The following DYM variants were observed in gnomAD, a reference collection of about 807,000 sequenced individuals.
DYM encodes the protein dyggve-Melchior-Clausen syndrome protein.
DYM carries 78 observed loss-of-function variants against 93.1 expected under a neutral mutation model. The ratio of observed to expected loss-of-function variants is 0.84; its 90% CI spans 0.70 to 1.01. The LOEUF is 1.01. Ranked by LOEUF, DYM falls within the 50% of genes least tolerant of loss-of-function variation. The probability of loss-of-function intolerance (pLI) is 0.00; values close to 1 mark genes in which losing one functional copy is unlikely to be tolerated. For synonymous variants in DYM, 321 were observed against 319.7 expected (o/e 1.00, Z -0.04); for missense variants, 789 against 845.0 (o/e 0.93, Z 0.82).
intron 13 of DYM, among the ~76,000 whole-genome samples, chr18:49,224,881 C>G (rs2093475973): frequency 6.6e-6 from 1 of 152,008 alleles, no homozygotes; most frequent in Admixed American, 6.6e-5. Context: ...TCTAGATAAA[C>G]TTTTACAGAA....
At chr18:49,044,417 A>G (rs1016304464) in intron 17 of DYM, among the ~76,000 whole-genome samples, 2 of 152,220 alleles carry the variant, frequency 1.3e-5, no homozygotes, top group Admixed American at 6.5e-5. Context: ...AAGTAACACA[A>G]TGGGTCCTGG....
Position 49,354,210 on chromosome 18 carries a change from C to T in DYM, c.494+8951G>A, listed in dbSNP as rs116453045. Among the ~76,000 whole-genome samples the T allele has an allele frequency of 3.5e-3, 528 of 151,944 alleles. 4 individuals carry two copies. Among genetic ancestry groups the T allele is most frequent in the African/African-American group, 0.012 (486 of 41,484 alleles). ...ACCAGATGCTGAAACAACTGGATAT[C>T]CACATGCAAAAAAAAGACAGATCTA... On this transcript the variant is annotated intron_variant, in intron 6 of 17. Coordinates refer to ENST00000675505, the MANE Select transcript of DYM (RefSeq NM_001353214.3).
intron 5 of DYM, among the ~76,000 whole-genome samples, chr18:49,374,571 C>T (rs2067317038): frequency 6.6e-6 from 1 of 152,180 alleles, no homozygotes; most frequent in African/African-American, 2.4e-5. Flanking sequence ...ATGACAAATG[C>T]TCAATCTCTA....
At chr18:49,048,484 C>T (rs1344899139) in intron 17 of DYM, 1 of 152,174 alleles carries the variant, frequency 6.6e-6, no homozygotes, top group Non-Finnish European at 1.5e-5. Context: ...AGCTTTTCTC[C>T]ATTCAGTGAC....
chr18:49,270,902 C>T (rs1157952008), intron 11 of DYM, among the ~76,000 whole-genome samples: 2 of 151,888 alleles, frequency 1.3e-5, no homozygotes, highest in Admixed American at 6.6e-5. Context: ...GAGTGAAAGC[C>T]CTGCCCCCTT....
intron 9 of DYM, among the ~76,000 whole-genome samples, chr18:49,284,946 C>T (rs1169181919): frequency 6.6e-6 from 1 of 151,946 alleles, no homozygotes; most frequent in Non-Finnish European, 1.5e-5. Context: ...TCCTAAGGGC[C>T]CATCTCTCAT....
In DYM at chr18:49,060,658, G is replaced by A. The variant is rs1480541737; in HGVS notation, c.2026-16454C>T. ...GAGAGAGGGGGAGAGGGGGAGAGGGGGAGAGGAGGAGAGGGGAAGGGAGGG... is the reference window on the plus strand; with the variant it reads ...GAGAGAGGGGGAGAGGGGGAGAGGGAGAGAGGAGGAGAGGGGAAGGGAGGG... On this transcript the variant is annotated intron_variant, in intron 17 of 17. Transcript: ENST00000675505. Among the ~76,000 whole-genome samples, 15 of 82,630 alleles carry A rather than the reference G, an allele frequency of 1.8e-4. No homozygotes were observed. In the East Asian group the frequency reaches 6.9e-3, roughly 38 times the overall value. The allele number at this position is 82,630 out of a possible 152,430, so 54.2% of individuals were successfully genotyped here. A position where few individuals can be genotyped will look rare whatever the true frequency, so the allele number is the denominator to read the frequency against.
At chr18:49,152,732 T>C (rs1568504305) in intron 15 of DYM, among the ~76,000 whole-genome samples, 1 of 152,198 alleles carries the variant, frequency 6.6e-6, no homozygotes. Flanking sequence ...AAGTACTCGC[T>C]GACAGATACA....
chr18:49,220,890 C>A lies in DYM; in HGVS notation c.1461-11175G>T, dbSNP rs566894652. On this transcript the variant is annotated intron_variant, in intron 13 of 17. Transcript: ENST00000675505. The stretch of plus-strand genomic sequence containing the variant: ...ACACCAAAAGCAATGGCAACAAAAG[C>A]CAAAGTTGACAAATGGGATCTAATT... Among the ~76,000 whole-genome samples, 594 of 152,238 alleles carry A rather than the reference C, an allele frequency of 3.9e-3. 3 individuals are homozygous for A. Among genetic ancestry groups the A allele is most frequent in the African/African-American group, 0.014 (576 of 41,510 alleles).
chr18:49,092,435 C>A (rs967457083), intron 17 of DYM, among the ~76,000 whole-genome samples: 8 of 152,236 alleles, frequency 5.3e-5, no homozygotes, highest in Admixed American at 1.3e-4. Context: ...TCTTCCAGAA[C>A]TTAACTTCTA....
At chr18:49,325,036 G>A (rs1170937757) in intron 8 of DYM, among the ~76,000 whole-genome samples, 3 of 152,136 alleles carry the variant, frequency 2.0e-5, no homozygotes, top group Admixed American at 6.5e-5. Flanking sequence ...AGGATGTCCA[G>A]GAGTGGGAGA....
chr18:49,257,010 C>G lies in DYM; in HGVS notation c.1460G>C (p.Ser487Thr). The G allele has an allele frequency of 1.9e-6, 3 of 1,611,152 alleles. No homozygotes were observed. Among genetic ancestry groups the G allele is most frequent in the Non-Finnish European group, 2.5e-6 (3 of 1,177,416 alleles). ...LHQYAAQRII[S>T]YTCRHLRRYV... Reference sequence around the variant, plus strand: ...TATTTCTTTTAAAGTTCATATTTACCTGATGATCCTCTGGGCAGCATACTG... The same window carrying G: ...TATTTCTTTTAAAGTTCATATTTACGTGATGATCCTCTGGGCAGCATACTG... The change falls in exon 13 of 18, where the codon AGT becomes ACT. Residue 487 changes from serine (S) to threonine (T), a missense_variant and splice_region_variant. Around this residue, in one of 3 missense-constraint regions of DYM, gnomAD observed 225 missense variants for 303.0 expected, o/e 0.74. Transcript: ENST00000675505.
intron 2 of DYM, among the ~76,000 whole-genome samples, chr18:49,410,619 G>A (rs1270326602): frequency 2.0e-5 from 3 of 150,680 alleles, no homozygotes; most frequent in Non-Finnish European, 4.4e-5. Flanking sequence ...GTTGAAGCCT[G>A]GACAACATAG....
chr18:49,225,151 C>A (rs2093484222), intron 13 of DYM, among the ~76,000 whole-genome samples: 1 of 152,156 alleles, frequency 6.6e-6, no homozygotes, highest in African/African-American at 2.4e-5. Flanking sequence ...AGCTCATTCA[C>A]ATGCATTAAA....
chr18:49,389,937 T>G (rs145781443), intron 3 of DYM, among the ~76,000 whole-genome samples: 1 of 152,214 alleles, frequency 6.6e-6, no homozygotes, highest in Non-Finnish European at 1.5e-5. Flanking sequence ...CAAAGTCACC[T>G]TAAAAGCCAT....
intron 13 of DYM, among the ~76,000 whole-genome samples, chr18:49,215,903 G>C (rs1228038706): frequency 6.6e-6 from 1 of 152,246 alleles, no homozygotes; most frequent in Non-Finnish European, 1.5e-5. Context: ...GTGGGTGCAG[G>C]ACAGTGGGTG....
chr18:49,062,377 G>C (rs1330731698), intron 17 of DYM, among the ~76,000 whole-genome samples: 1 of 152,164 alleles, frequency 6.6e-6, no homozygotes, highest in African/African-American at 2.4e-5. Context: ...GCCCAGCTCA[G>C]GACCTGCTGA....
chr18:49,204,617 A>C (rs1268252808), intron 14 of DYM, among the ~76,000 whole-genome samples: 1 of 152,216 alleles, frequency 6.6e-6, no homozygotes, highest in Non-Finnish European at 1.5e-5. Context: ...TCTGTTACCT[A>C]AAGTCAGATT....
At chr18:49,262,447 C>A (rs1346306882) in intron 11 of DYM, among the ~76,000 whole-genome samples, 1 of 152,310 alleles carries the variant, frequency 6.6e-6, no homozygotes, top group Middle Eastern at 3.4e-3. Flanking sequence ...TCATTTATAT[C>A]AGCAGTACTC....
Sources: allele counts gnomAD v4.1 joint callset (sites outside exome capture counted in the v4.1 genomes callset), GRCh38; gene constraint gnomAD v4.1.1; regional missense constraint gnomAD v4.1.1; transcripts MANE v1.5; gene names NCBI Gene and HGNC (gene_info 2026-07-23, HGNC 2026-07-21).